The following TTN variants were observed in gnomAD, a reference collection of about 807,000 sequenced individuals.
TTN encodes the protein connectin.
In TTN, 1,525 loss-of-function variants were observed where a neutral mutation model predicts 3,223.0. The observed-to-expected ratio is 0.47, with a 90% CI of 0.45 to 0.49. The LOEUF is 0.49. Ranked by LOEUF, TTN falls within the 20% of genes least tolerant of loss-of-function variation. The pLI is 0.00. For synonymous variants in TTN, 14,094 were observed against 15,161.0 expected, an observed-to-expected ratio of 0.93 and a Z score of 5.17; for missense variants, 40,786 against 43,424.0, an observed-to-expected ratio of 0.94 and a Z score of 5.40.
chr2:178,781,224 C>G lies in TTN; in HGVS notation c.3420G>C (p.Lys1140Asn). The G allele has an allele frequency of 6.2e-7, 1 of 1,614,050 alleles. No individual in the cohort carries two copies. The highest frequency in any genetic ancestry group is 8.5e-7 in the Non-Finnish European group (1 of 1,179,968). Reference protein sequence around the residue: ...VSYNKQTGECKLVISMTFADD... With the variant: ...VSYNKQTGECNLVISMTFADD... ...CAGCAAAAGTCATAGAAATCACCAG[C>G]TTGCATTCACCGGTTTGTTTGTTGT... is the stretch of plus-strand genomic sequence containing the variant. The change falls in exon 21 of 363, where the codon AAG (lysine) becomes AAC (asparagine). Residue 1140 changes from lysine (K) to asparagine (N), a missense_variant. Physicochemically the swap from Lys to Asn is moderately conservative, Grantham distance 94. Coordinates refer to ENST00000589042, the MANE Select transcript of TTN (RefSeq NM_001267550.2).
At position 178,607,627 on chromosome 2, in the gene TTN, C is replaced by T; in HGVS notation, c.53061G>A (p.Gly17687=). The T allele has an allele frequency of 6.2e-7, 1 of 1,613,046 alleles. No homozygotes were observed. The highest frequency in any genetic ancestry group is 8.5e-7 in the Non-Finnish European group (1 of 1,179,388). The change falls in exon 277 of 363, where the codon GGG becomes GGA. Residue 17687 remains glycine (G), a synonymous_variant. Transcript: ENST00000589042. Reference sequence around the variant, plus strand: ...CCACAGCTGGAATTCTAAGAGTCTTCCCAGCCATTATTTGTATTCCACCCT... The same window carrying T: ...CCACAGCTGGAATTCTAAGAGTCTTTCCAGCCATTATTTGTATTCCACCCT... The part of the protein sequence containing the change: ...SVKGGIQIMA[G]KTLRIPAVVT...
At chr2:178,653,181 A>T (rs1435226414) in intron 198 of TTN, 57 bp from the exon 199 acceptor site, 1 of 1,610,928 alleles carries the variant, frequency 6.2e-7, no homozygotes. Flanking sequence ...CTGGAACAAA[A>T]TGTCTTCAAC....
intron 292 of TTN, 150 bp from the exon 293 acceptor site, chr2:178,598,208 G>C: frequency 1.1e-6 from 1 of 938,064 alleles, no homozygotes; most frequent in South Asian, 1.7e-5. Flanking sequence ...AGATATTACA[G>C]GCAACACTGA....
intron 92 of TTN, 51 bp downstream of exon 92, chr2:178,713,845 CA>C: frequency 6.3e-7 from 1 of 1,581,922 alleles, no homozygotes; most frequent in Non-Finnish European, 8.6e-7. Flanking sequence ...TTATGAAAAT[CA>C]GGAACTACAT....
Position 178,642,296 on chromosome 2 carries a change from A to G in TTN, c.40499T>C (p.Val13500Ala). The G allele has an allele frequency of 6.3e-7, 1 of 1,594,050 alleles. No individual in the cohort carries two copies. Among genetic ancestry groups the G allele is most frequent in the African/African-American group, 1.3e-5 (1 of 74,630 alleles). Residue 13500 changes from valine to alanine, a missense_variant, in exon 219 of 363, where the codon GTT becomes GCT. Val to Ala is a moderately conservative substitution (Grantham distance 64). Coordinates refer to ENST00000589042, the MANE Select transcript of TTN (RefSeq NM_001267550.2). ...PLKVPGGEKK[V>A]RKLLPERKPE... ...TTTACGTTCCGGAAGTAATTTGCGA[A>G]CTTTCTTTTCACCTCCAGGCACTTA...
rs2154314532 is a variant in TTN at position 178,735,998 on chromosome 2, G to C, written c.14448C>G (p.Cys4816Trp). ...TFVGKAAKFI[C>W]TVTGTPVIET... is the part of the protein sequence containing the mutation. ...CTATCACAGGAGTCCCTGTCACTGT[G>C]CAGATGAACTTGGCTGCCTTACCCA... The change falls in exon 50 of 363, where the codon TGC (cysteine) becomes TGG (tryptophan). Residue 4816 changes from cysteine to tryptophan, a missense_variant. Physicochemically the swap from Cys to Trp is radical, Grantham distance 215. Coordinates refer to ENST00000589042, the MANE Select transcript of TTN (RefSeq NM_001267550.2). 2.5e-6 allele frequency: 4 copies of C among 1,613,504 alleles called. No homozygotes were observed. Among genetic ancestry groups the C allele is most frequent in the Non-Finnish European group, 3.4e-6 (4 of 1,179,560 alleles).
rs1331633157 is a variant in TTN at position 178,612,087 on chromosome 2, G to A, written c.50324C>T (p.Pro16775Leu). 1.2e-6 allele frequency: 2 copies of A among 1,611,738 alleles called. No individual in the cohort carries two copies. Among genetic ancestry groups the A allele is most frequent in the Non-Finnish European group, 8.5e-7 (1 of 1,178,864 alleles). The stretch of plus-strand genomic sequence containing the variant: ...TATTGGTCTTCCACCATCATTTTTA[G>A]GTGGCTCCCACTTTAGGTCAACATG... ...KRHVDLKWEP[P>L]KNDGGRPIQR... is the part of the protein sequence containing the mutation. The change falls in exon 267 of 363, where the codon CCT becomes CTT. Residue 16775 changes from proline to leucine, a missense_variant. Pro to Leu is a moderately conservative substitution (Grantham distance 98). Transcript: ENST00000589042.
In TTN at chr2:178,535,237, T is replaced by A. The variant is rs200675195; in HGVS notation, c.101378A>T (p.Asp33793Val). The A allele has an allele frequency of 1.8e-4, 286 of 1,613,854 alleles. No homozygotes were observed. The highest frequency in any genetic ancestry group is 2.2e-4 in the Non-Finnish European group (261 of 1,179,864). ...KEDKTRAMNY[D>V]EEVDETREVS... is the part of the protein sequence containing the mutation. ...TTCCCTGGTTTCATCTACCTCTTCATCATAGTTCATAGCTCTGGTCTTATC... is the reference window on the plus strand; with the variant it reads ...TTCCCTGGTTTCATCTACCTCTTCAACATAGTTCATAGCTCTGGTCTTATC... Residue 33793 changes from aspartate to valine, a missense_variant, in exon 358 of 363, where the codon GAT becomes GTT. Physicochemically the swap from Asp to Val is radical, Grantham distance 152 (BLOSUM62 -3). Transcript: ENST00000589042.
intron 311 of TTN, 75 bp from the exon 312 acceptor site, chr2:178,583,981 C>T (rs770653503): frequency 7.2e-7 from 1 of 1,386,020 alleles, no homozygotes; most frequent in East Asian, 2.5e-5. Context: ...ACATTATCAT[C>T]CCTGCTGCTA....
chr2:178,792,289 G>T (rs1278655180), intron 9 of TTN, 92 bp from the exon 10 acceptor site: 15 of 1,320,566 alleles, frequency 1.1e-5, no homozygotes, highest in Non-Finnish European at 1.4e-5. Context: ...GGAATTTGAA[G>T]ATGTAAAATC....
At position 178,719,754 on chromosome 2, in the gene TTN, G is replaced by A; in HGVS notation, c.23738C>T (p.Thr7913Ile). The A allele has an allele frequency of 6.2e-7, 1 of 1,613,648 alleles. No individual in the cohort carries two copies. The highest frequency in any genetic ancestry group is 1.7e-5 in the Admixed American group (1 of 60,000). The change falls in exon 82 of 363, where the codon ACT becomes ATT. Residue 7913 changes from threonine to isoleucine, a missense_variant. By Grantham distance (89) the Thr-to-Ile change is moderately conservative. Coordinates refer to ENST00000589042, the MANE Select transcript of TTN (RefSeq NM_001267550.2). ...GNPFALECVVTGTPELSAKWF... is the reference protein window; with the variant it reads ...GNPFALECVVIGTPELSAKWF... Reference sequence around the variant, plus strand: ...CTTGGCTGAGAGTTCTGGTGTTCCAGTCACTACACACTCTAATGCAAAAGG... The same window carrying A: ...CTTGGCTGAGAGTTCTGGTGTTCCAATCACTACACACTCTAATGCAAAAGG...
At chr2:178,678,090 G>C (rs760847764) in intron 145 of TTN, 35 bp downstream of exon 145, 2 of 1,593,890 alleles carry the variant, frequency 1.3e-6, no homozygotes, top group East Asian at 4.5e-5. Context: ...AGTTAGTTTT[G>C]TCTTTTACCA....
At chr2:178,755,499 T>A (rs1017797255) in intron 46 of TTN, among the ~76,000 whole-genome samples, 6 of 152,082 alleles carry the variant, frequency 3.9e-5, no homozygotes, top group Admixed American at 2.0e-4. Flanking sequence ...ACAGTGACCC[T>A]ATTTCGGCTC....
In TTN at chr2:178,572,526, C is replaced by G. The variant is rs1189074797; in HGVS notation, c.73606G>C (p.Val24536Leu). ...AGAGGTGGGTCCCATGTGAGTGTGACAGATGTCTTAGTGACCTCTTTTACC... is the reference window on the plus strand; with the variant it reads ...AGAGGTGGGTCCCATGTGAGTGTGAGAGATGTCTTAGTGACCTCTTTTACC... ...LKVKEVTKTS[V>L]TLTWDPPLLD... The change falls in exon 326 of 363, where the codon GTC becomes CTC. Residue 24536 changes from valine (V) to leucine (L), a missense_variant. Physicochemically the swap from Val to Leu is conservative, Grantham distance 32. Transcript: ENST00000589042. The G allele has an allele frequency of 6.2e-7, 1 of 1,613,424 alleles. No individual in the cohort carries two copies. The highest frequency in any genetic ancestry group is 8.5e-7 in the Non-Finnish European group (1 of 1,179,608).
chr2:178,678,879 A>T (rs2068697397), intron 142 of TTN, 49 bp from the exon 143 acceptor site: 1 of 1,490,650 alleles, frequency 6.7e-7, no homozygotes, highest in Non-Finnish European at 9.1e-7. Flanking sequence ...ACCCATAGCT[A>T]AGATTTTAAG....
In TTN at chr2:178,615,374, T is replaced by C. The variant is rs747433688; in HGVS notation, c.48571A>G (p.Ile16191Val). The change falls in exon 259 of 363, where the codon ATA becomes GTA. Residue 16191 changes from isoleucine to valine, a missense_variant. Physicochemically the swap from Ile to Val is conservative, Grantham distance 29. Coordinates refer to ENST00000589042, the MANE Select transcript of TTN (RefSeq NM_001267550.2). ...GAACCACGTGGACATCTTTCAACTA[T>C]ATATCCTTTGATGCGTGAACCACCA... Reference protein sequence around the residue: ...NDGGSRIKGYIVERCPRGSDK... With the variant: ...NDGGSRIKGYVVERCPRGSDK... 107 of 1,612,512 alleles carry C rather than the reference T, an allele frequency of 6.6e-5. No individual in the cohort carries two copies. The highest frequency in any genetic ancestry group is 8.7e-5 in the Non-Finnish European group (103 of 1,179,068).
At position 178,782,638 on chromosome 2, in the gene TTN, T is replaced by G. The variant is rs751968440; in HGVS notation, c.3101-36A>C. ...ACAAAAGTTTCTCATTGAGATGAGA[T>G]GTTTAGTGACCCCTGCTTAGCACTG... On this transcript the variant is annotated intron_variant, in intron 18 of 362. Transcript: ENST00000589042. 10 of 1,610,628 alleles carry G rather than the reference T, an allele frequency of 6.2e-6. No homozygotes were observed. In the South Asian group the frequency reaches 8.8e-5, roughly 14 times the overall value.
chr2:178,796,076 T>C (rs1225025948), intron 6 of TTN, among the ~76,000 whole-genome samples: 1 of 152,224 alleles, frequency 6.6e-6, no homozygotes, highest in Admixed American at 6.5e-5. Flanking sequence ...GTTTGCTTTT[T>C]AGGTGTATCC....
rs377173415 is a variant in TTN at position 178,595,808 on chromosome 2, A to G, written c.57546T>C (p.Asp19182=). 4 of 1,589,620 alleles carry G rather than the reference A, an allele frequency of 2.5e-6. No homozygotes were observed. The African/African-American group carries it at 4.0e-5, about 16-fold the overall frequency. Reference sequence around the variant, plus strand: ...ATGGTGTTCCAACGGGACCTGGAACATCTGGAAATAAGAAGAAAATAATTC... The same window carrying G: ...ATGGTGTTCCAACGGGACCTGGAACGTCTGGAAATAAGAAGAAAATAATTC... ...RKKTIIVDVL[D]VPGPVGTPFL... Residue 19182 remains aspartate (D), a splice_region_variant and synonymous_variant, in exon 295 of 363, where the codon GAT becomes GAC. Transcript: ENST00000589042.
Sources: allele counts gnomAD v4.1 joint callset (sites outside exome capture counted in the v4.1 genomes callset), GRCh38; gene constraint gnomAD v4.1.1; transcripts MANE v1.5; gene names NCBI Gene and HGNC (gene_info 2026-07-23, HGNC 2026-07-21).